The following GPC4 variants were observed in gnomAD, a reference collection of about 807,000 sequenced individuals.
The protein encoded by GPC4 is glypican-4.
GPC4 carries 10 observed loss-of-function variants against 35.0 expected under a neutral mutation model. The ratio of observed to expected loss-of-function variants is 0.29; its 90% confidence interval spans 0.18 to 0.48. The LOEUF (loss-of-function observed/expected upper bound fraction) is 0.48, where lower values mean the gene tolerates loss of function less well. GPC4 is among the 20% of genes least tolerant of loss of function. The pLI is 0.99. For synonymous variants in GPC4, 167 were observed against 170.2 expected, an observed-to-expected ratio of 0.98 and a Z score of 0.15; for missense variants, 322 against 451.3, an observed-to-expected ratio of 0.71 and a Z score of 2.60.
intron 1 of GPC4, among the ~76,000 whole-genome samples, chrX:133,388,269 A>G (rs758936302): frequency 8.9e-6 from 1 of 112,267 alleles, no homozygotes; most frequent in African/African-American, 3.2e-5. Flanking sequence ...ATGTTGAGGG[A>G]AAAATGTGCT....
Position 133,324,427 on chromosome X carries a change from G to A in GPC4, c.429C>T (p.Phe143=), listed in dbSNP as rs756421749. The A allele has an allele frequency of 2.1e-5, 25 of 1,208,033 alleles. No homozygotes were observed. In the East Asian group the frequency reaches 2.1e-4, roughly 10 times the overall value. ...CCACGTAGTAACGTTTCAACTCTAC[G>A]AAGAGATCTTTAAATAGCTCAGAAT... The part of the protein sequence containing the change: ...MQNSELFKDL[F]VELKRYYVVG... The change falls in exon 3 of 9, where the codon TTC becomes TTT. Residue 143 remains phenylalanine, a synonymous_variant. Transcript: ENST00000370828.
chrX:133,395,641 AT>A (rs1218046480), intron 1 of GPC4, among the ~76,000 whole-genome samples: 1 of 111,147 alleles, frequency 9.0e-6, no homozygotes, highest in Non-Finnish European at 1.9e-5. Context: ...AAAAAATGAA[AT>A]TTTTTTTAAA....
chrX:133,317,864 T>C (rs936172927), intron 3 of GPC4, among the ~76,000 whole-genome samples: 2 of 85,724 alleles, frequency 2.3e-5, no homozygotes, highest in Non-Finnish European at 4.3e-5. Flanking sequence ...TCAATGCATA[T>C]ACACAAAGAA....
chrX:133,381,132 G>T (rs1198839541), intron 1 of GPC4, among the ~76,000 whole-genome samples: 3 of 111,746 alleles, frequency 2.7e-5, no homozygotes, highest in Admixed American at 9.5e-5. Context: ...AAGAACCGGG[G>T]TCAGTGGGCC....
intron 1 of GPC4, among the ~76,000 whole-genome samples, chrX:133,395,982 G>C (rs762655488): frequency 5.4e-5 from 6 of 111,991 alleles, no homozygotes; most frequent in Non-Finnish European, 7.5e-5. Context: ...AAAGTCAATT[G>C]CTTCAGTGGA....
chrX:133,377,883 T>C (rs1463124232), intron 1 of GPC4, among the ~76,000 whole-genome samples: 1 of 106,959 alleles, frequency 9.3e-6, no homozygotes, highest in Non-Finnish European at 1.9e-5. Flanking sequence ...TTTTCTTTTT[T>C]TTTTTCTTTT....
intron 1 of GPC4, among the ~76,000 whole-genome samples, chrX:133,369,562 T>G (rs1031506906): frequency 8.9e-6 from 1 of 112,368 alleles, no homozygotes; most frequent in African/African-American, 3.2e-5. Flanking sequence ...CATTTTGTAC[T>G]ACTCTCTCCT....
At chrX:133,305,507 C>T (rs1943589121) in intron 6 of GPC4, among the ~76,000 whole-genome samples, 1 of 111,977 alleles carries the variant, frequency 8.9e-6, no homozygotes, top group Non-Finnish European at 1.9e-5. Flanking sequence ...CAGTGATGGG[C>T]ACATAGTAGA....
chrX:133,367,773 T>G (rs1426693342), intron 1 of GPC4, among the ~76,000 whole-genome samples: 1 of 111,607 alleles, frequency 9.0e-6, no homozygotes, highest in Non-Finnish European at 1.9e-5. Context: ...GAGGCTGAAG[T>G]GAGAGGATCA....
intron 2 of GPC4, among the ~76,000 whole-genome samples, chrX:133,328,832 T>A (rs929843675): frequency 1.8e-5 from 2 of 111,886 alleles, no homozygotes; most frequent in Non-Finnish European, 3.8e-5. Flanking sequence ...GGAAGTTAGA[T>A]CTGTGCAGCA....
rs1247294199 is a variant in GPC4, at chrX:133,414,852, C to T, written c.114G>A (p.Val38=). The T allele has an allele frequency of 4.1e-6, 5 of 1,210,572 alleles. No homozygotes were observed. Among genetic ancestry groups the T allele is most frequent in the Non-Finnish European group, 5.6e-6 (5 of 895,249 alleles). The change falls in exon 1 of 9, where the codon GTG becomes GTA. Residue 38 remains valine (V), a synonymous_variant. Transcript: ENST00000370828. ...KSCSEVRRLY[V]SKGFNKNDAP... is the part of the protein sequence containing the mutation. ...CATCGTTCTTGTTGAAGCCTTTGGA[C>T]ACGTAAAGACGTCGCACTTCCGAGC...
intron 1 of GPC4, among the ~76,000 whole-genome samples, chrX:133,357,371 A>G (rs1048232003): frequency 7.8e-5 from 8 of 102,390 alleles, no homozygotes; most frequent in Non-Finnish European, 1.4e-4. Flanking sequence ...GTGACAGAGG[A>G]AGACTCTCTC....
At chrX:133,384,760 G>A (rs1174072052) in intron 1 of GPC4, among the ~76,000 whole-genome samples, 2 of 111,735 alleles carry the variant, frequency 1.8e-5, no homozygotes, top group Non-Finnish European at 3.8e-5. Flanking sequence ...CTTCCCTTAC[G>A]CCTCCTGCAA....
intron 1 of GPC4, among the ~76,000 whole-genome samples, chrX:133,411,619 C>T (rs937873085): frequency 3.6e-5 from 4 of 110,992 alleles, no homozygotes; most frequent in South Asian, 3.9e-4. Context: ...TTTGTGTGTG[C>T]GTGGCTTATC....
At chrX:133,352,150 A>T (rs1435485919) in intron 1 of GPC4, among the ~76,000 whole-genome samples, 1 of 112,285 alleles carries the variant, frequency 8.9e-6, no homozygotes, top group East Asian at 2.8e-4. Flanking sequence ...TCCAAAAGAC[A>T]GGAGAGATGA....
chrX:133,384,848 G>A (rs1455068017), intron 1 of GPC4, among the ~76,000 whole-genome samples: 1 of 111,541 alleles, frequency 9.0e-6, no homozygotes, highest in Non-Finnish European at 1.9e-5. Flanking sequence ...TGTGCTAGCT[G>A]TCAAGCTGGA....
chrX:133,306,825 A>G (rs2124105345), intron 4 of GPC4, among the ~76,000 whole-genome samples: 1 of 112,088 alleles, frequency 8.9e-6, no homozygotes, highest in South Asian at 3.7e-4. Flanking sequence ...AAGTGAGAAG[A>G]TGACACAAGA....
At position 133,396,912 on chromosome X, in the gene GPC4, T is replaced by C. The variant is rs1351433764; in HGVS notation, c.160+17894A>G. Among the ~76,000 whole-genome samples, 3 of 112,177 alleles carry C rather than the reference T, an allele frequency of 2.7e-5. No homozygotes were observed. The Admixed American group carries it at 2.9e-4, about 11-fold the overall frequency. ...TTTGGGAATAGTCTCTTTCCCTATG[T>C]AGGTGTTAATCATTTCCTGATATAA... On this transcript the variant is annotated intron_variant, in intron 1 of 8. Transcript: ENST00000370828.
chrX:133,397,323 G>A (rs747667557), intron 1 of GPC4, among the ~76,000 whole-genome samples: 1 of 111,883 alleles, frequency 8.9e-6, no homozygotes, highest in Non-Finnish European at 1.9e-5. Context: ...GCTTTGGGAA[G>A]CCGAGGCAGG....
Sources: allele counts gnomAD v4.1 joint callset (sites outside exome capture counted in the v4.1 genomes callset), GRCh38; gene constraint gnomAD v4.1.1; transcripts MANE v1.5; gene names NCBI Gene and HGNC (gene_info 2026-07-23, HGNC 2026-07-21).